PDSS2: variants seen among roughly 807,000 people sequenced by gnomAD.
PDSS2 encodes all trans-polyprenyl-diphosphate synthase PDSS2.
Under a neutral mutation model 44.5 loss-of-function variants are expected in PDSS2, and 31 were observed. The observed-to-expected ratio is 0.70, with a 90% CI of 0.52 to 0.94. PDSS2 has a LOEUF of 0.94. Among genes scored for constraint, PDSS2 ranks in the 40% least tolerant of loss-of-function variants. PDSS2 has a pLI of 0.00. For missense variants in PDSS2, 452 were observed against 482.2 expected (o/e 0.94, Z 0.59); for synonymous variants, 157 against 180.3 (o/e 0.87, Z 1.03).
chr6:107,327,725 G>A (rs1342184617), intron 2 of PDSS2, among the ~76,000 whole-genome samples: 1 of 152,208 alleles, frequency 6.6e-6, no homozygotes, highest in African/African-American at 2.4e-5. Context: ...CCAAAGTGCT[G>A]GGATTACAGG....
chr6:107,442,401 A>G (rs1488282052), intron 1 of PDSS2, among the ~76,000 whole-genome samples: 1 of 152,154 alleles, frequency 6.6e-6, no homozygotes, highest in African/African-American at 2.4e-5. Flanking sequence ...TGGGCAACAG[A>G]GCAAGACTCC....
chr6:107,169,354 C>T (rs1771478504), intron 7 of PDSS2, among the ~76,000 whole-genome samples: 3 of 152,200 alleles, frequency 2.0e-5, no homozygotes, highest in Admixed American at 2.0e-4. Flanking sequence ...CTTCTCTACA[C>T]TGGTTATTCT....
intron 2 of PDSS2, among the ~76,000 whole-genome samples, chr6:107,326,729 G>A (rs1777558796): frequency 6.6e-6 from 1 of 151,830 alleles, no homozygotes; most frequent in Non-Finnish European, 1.5e-5. Context: ...GTGCAGACCT[G>A]TAATCTCAGC....
At chr6:107,434,821 A>G (rs186297490) in intron 1 of PDSS2, among the ~76,000 whole-genome samples, 22 of 152,324 alleles carry the variant, frequency 1.4e-4, no homozygotes, top group African/African-American at 3.4e-4. Flanking sequence ...TGATGTGATT[A>G]CTAGGCATTG....
At chr6:107,186,448 C>T (rs1383670138) in intron 7 of PDSS2, among the ~76,000 whole-genome samples, 1 of 152,088 alleles carries the variant, frequency 6.6e-6, no homozygotes, top group Non-Finnish European at 1.5e-5. Flanking sequence ...CATAAAGCCA[C>T]AGAGTGCATG....
chr6:107,360,795 G>A (rs1778748673), intron 1 of PDSS2, among the ~76,000 whole-genome samples: 1 of 152,150 alleles, frequency 6.6e-6, no homozygotes, highest in Admixed American at 6.6e-5. Flanking sequence ...TTACTGTTTT[G>A]TTTTGACTCT....
rs78232363 is a variant in PDSS2 at position 107,374,331 on chromosome 6, T to C, written c.297-39999A>G. On this transcript the variant is annotated intron_variant, in intron 1 of 7. Transcript: ENST00000369037. The stretch of plus-strand genomic sequence containing the variant: ...TACTCTTATGTGGTGTTGCTAAAGT[T>C]AATGCTCAGTTAGGTACAAAAACTT... Among the ~76,000 whole-genome samples, 596 of 151,910 alleles carry C rather than the reference T, an allele frequency of 3.9e-3. 2 individuals are homozygous for C. Among genetic ancestry groups the C allele is most frequent in the Non-Finnish European group, 6.8e-3 (461 of 67,974 alleles).
chr6:107,255,599 CA>C (rs547541454), intron 3 of PDSS2, among the ~76,000 whole-genome samples: 204 of 78,700 alleles, frequency 2.6e-3, no homozygotes, highest in South Asian at 6.4e-3. Context: ...AACTCCATCT[CA>C]AAAAAAAAAA....
At chr6:107,160,864 C>G (rs1435155401) in intron 7 of PDSS2, among the ~76,000 whole-genome samples, 1 of 151,988 alleles carries the variant, frequency 6.6e-6, no homozygotes, top group Non-Finnish European at 1.5e-5. Context: ...CCTCAGCCTC[C>G]TGAGTGGCTG....
chr6:107,243,044 G>A (rs1239787761), intron 4 of PDSS2, among the ~76,000 whole-genome samples: 1 of 152,216 alleles, frequency 6.6e-6, no homozygotes, highest in African/African-American at 2.4e-5. Context: ...TGCTTGCTAA[G>A]TGGTGGTTCA....
chr6:107,186,976 G>T (rs1410587409), intron 7 of PDSS2, among the ~76,000 whole-genome samples: 2 of 152,142 alleles, frequency 1.3e-5, no homozygotes, highest in East Asian at 1.9e-4. Context: ...CCTACCAGGG[G>T]AACCCTAAGC....
At chr6:107,156,992 C>T (rs1287969240) in intron 7 of PDSS2, among the ~76,000 whole-genome samples, 1 of 152,116 alleles carries the variant, frequency 6.6e-6, no homozygotes, top group East Asian at 1.9e-4. Context: ...AAGAGTCTTC[C>T]CACCACCAGG....
chr6:107,323,824 G>A (rs1306095614), intron 2 of PDSS2, among the ~76,000 whole-genome samples: 1 of 152,132 alleles, frequency 6.6e-6, no homozygotes, highest in Non-Finnish European at 1.5e-5. Context: ...TTAAGGAAAG[G>A]ATTTTAAAAT....
rs191420261 is a variant in PDSS2, at chr6:107,165,504, G to A, written c.1042-10727C>T. ...GTGTGGTATTATTTCTGAGGGCTCT[G>A]TTCTGTTCCATTGGTCTGTATCTCT... On this transcript the variant is annotated intron_variant, in intron 7 of 7. Transcript: ENST00000369037. Among the ~76,000 whole-genome samples the A allele has an allele frequency of 5.3e-3, 811 of 152,260 alleles. 8 individuals carry two copies. Among genetic ancestry groups the A allele is most frequent in the African/African-American group, 0.018 (745 of 41,552 alleles).
chr6:107,423,045 C>T lies in PDSS2; in HGVS notation c.296+35945G>A, dbSNP rs370070949. On this transcript the variant is annotated intron_variant, in intron 1 of 7. Transcript: ENST00000369037. ...TCCTCCAGGTTCCTGAAAAGATATT[C>T]ATTTTTAGTTTAAAAACAAACAAAA... Among the ~76,000 whole-genome samples the T allele has an allele frequency of 1.2e-3, 180 of 152,058 alleles. 1 individual carries two copies. The South Asian group carries it at 0.013, about 11-fold the overall frequency.
chr6:107,445,138 GA>G (rs1212742011), intron 1 of PDSS2, among the ~76,000 whole-genome samples: 1 of 151,580 alleles, frequency 6.6e-6, no homozygotes, highest in African/African-American at 2.4e-5. Context: ...GATTTATACA[GA>G]AATTTAAGTA....
chr6:107,449,670 G>A (rs1272694046), intron 1 of PDSS2, among the ~76,000 whole-genome samples: 1 of 152,100 alleles, frequency 6.6e-6, no homozygotes, highest in Non-Finnish European at 1.5e-5. Context: ...GGGCTCAAAC[G>A]ATCCTCCCAC....
intron 1 of PDSS2, among the ~76,000 whole-genome samples, chr6:107,418,712 C>T (rs1232316714): frequency 2.6e-5 from 4 of 152,034 alleles, no homozygotes; most frequent in Non-Finnish European, 5.9e-5. Flanking sequence ...GAGGAGGTGG[C>T]TGCAGTGAGC....
At position 107,275,679 on chromosome 6, in the gene PDSS2, T is replaced by C. The variant is rs1466388515; in HGVS notation, c.432-1452A>G. On this transcript the variant is annotated intron_variant, in intron 2 of 7. Transcript: ENST00000369037. Reference sequence around the variant, plus strand: ...TTGCTATGTAGCAACAGATATCTGATACAGAAATGGTATATCTATAAGTGG... The same window carrying C: ...TTGCTATGTAGCAACAGATATCTGACACAGAAATGGTATATCTATAAGTGG... 2.0e-5 allele frequency among the ~76,000 whole-genome samples: 3 copies of C among 152,178 alleles called. No individual in the cohort carries two copies. In the East Asian group the frequency reaches 5.8e-4, roughly 29 times the overall value.
Sources: gnomAD v4.1 joint callset for allele counts (sites outside exome capture counted in the v4.1 genomes callset) on GRCh38, gnomAD v4.1.1 for gene constraint, MANE v1.5 for transcripts, NCBI Gene and HGNC (gene_info 2026-07-23, HGNC 2026-07-21) for gene names.